Variants in CA5A observed in about 807,000 individuals in gnomAD.
The protein encoded by CA5A is carbonic anhydrase 5A, mitochondrial.
In CA5A, 28 loss-of-function variants were observed where a neutral mutation model predicts 37.1. The observed-to-expected ratio is 0.75, with a 90% CI of 0.56 to 1.03. The LOEUF is 1.03. Ranked by LOEUF, CA5A falls within the 50% of genes least tolerant of loss-of-function variation. The probability of loss-of-function intolerance (pLI) is 0.00; values close to 1 mark genes in which losing one functional copy is unlikely to be tolerated. For synonymous variants in CA5A, 171 were observed against 158.4 expected (o/e 1.08, Z -0.60); for missense variants, 444 against 399.9 (o/e 1.11, Z -0.94).
rs182213407 is a variant in CA5A at position 87,900,558 on chromosome 16, T to G, written c.618+1354A>C. Reference sequence around the variant, plus strand: ...CTCCTTCTGCCCTGGAATTCTTTTGTATGCTGCTGAATAAATAAACTACAT... The same window carrying G: ...CTCCTTCTGCCCTGGAATTCTTTTGGATGCTGCTGAATAAATAAACTACAT... On this transcript the variant is annotated intron_variant, in intron 5 of 6. Coordinates refer to ENST00000649794, the MANE Select transcript of CA5A (RefSeq NM_001739.2). Among the ~76,000 whole-genome samples, 348 of 152,370 alleles carry G rather than the reference T, an allele frequency of 2.3e-3. 2 individuals carry two copies. The highest frequency in any genetic ancestry group is 3.0e-3 in the Admixed American group (46 of 15,310).
chr16:87,926,367 C>A (rs574485275), intron 2 of CA5A, among the ~76,000 whole-genome samples: 3 of 152,322 alleles, frequency 2.0e-5, no homozygotes, highest in African/African-American at 7.2e-5. Flanking sequence ...TCAAGGCCAG[C>A]GTGGGCGTCC....
intron 2 of CA5A, among the ~76,000 whole-genome samples, chr16:87,913,106 G>A (rs948301777): frequency 6.6e-6 from 1 of 151,112 alleles, no homozygotes; most frequent in African/African-American, 2.4e-5. Context: ...TCAGCCTCCT[G>A]TAGCTGGGAT....
At chr16:87,930,850 C>G (rs930682449) in intron 1 of CA5A, among the ~76,000 whole-genome samples, 1 of 151,830 alleles carries the variant, frequency 6.6e-6, no homozygotes, top group African/African-American at 2.4e-5. Flanking sequence ...AGGCGATTCT[C>G]CTGCCTCAGC....
At chr16:87,916,004 G>A (rs112345255) in intron 2 of CA5A, among the ~76,000 whole-genome samples, 2 of 151,866 alleles carry the variant, frequency 1.3e-5, no homozygotes, top group Non-Finnish European at 2.9e-5. Flanking sequence ...GCGAAAGGCA[G>A]GTCTTGCATG....
intron 1 of CA5A, among the ~76,000 whole-genome samples, chr16:87,931,063 A>G (rs1423922510): frequency 6.6e-6 from 1 of 151,126 alleles, no homozygotes; most frequent in African/African-American, 2.4e-5. Flanking sequence ...GAAGATAGAA[A>G]TACAGATGTT....
At chr16:87,893,982 C>T (rs2055764514) in intron 5 of CA5A, among the ~76,000 whole-genome samples, 1 of 151,996 alleles carries the variant, frequency 6.6e-6, no homozygotes. Flanking sequence ...TGTTCTCCAA[C>T]TCCTGGGCTC....
intron 3 of CA5A, 139 bp from the exon 4 acceptor site, chr16:87,902,659 C>A: frequency 1.6e-6 from 1 of 611,084 alleles, no homozygotes; most frequent in Non-Finnish European, 3.1e-6. Context: ...GTAATCCCAG[C>A]ACTTTGGGAG....
intron 6 of CA5A, among the ~76,000 whole-genome samples, chr16:87,890,774 C>A (rs953285431): frequency 6.6e-6 from 1 of 151,986 alleles, no homozygotes; most frequent in East Asian, 1.9e-4. Flanking sequence ...CGCCACCATG[C>A]CTGGCTAATT....
intron 1 of CA5A, among the ~76,000 whole-genome samples, chr16:87,931,971 T>C (rs2056412587): frequency 7.3e-6 from 1 of 137,048 alleles, no homozygotes; most frequent in Non-Finnish European, 1.6e-5. Context: ...CTGGGCGTGG[T>C]CGTGCCTGCC....
intron 2 of CA5A, among the ~76,000 whole-genome samples, chr16:87,912,341 C>T (rs2056063329): frequency 1.3e-5 from 2 of 152,122 alleles, no homozygotes; most frequent in Admixed American, 1.3e-4. Flanking sequence ...AAATTGCTAT[C>T]CTCACTGCCA....
chr16:87,903,646 G>A (rs1199107782), intron 3 of CA5A, among the ~76,000 whole-genome samples: 2 of 152,120 alleles, frequency 1.3e-5, no homozygotes, highest in African/African-American at 4.8e-5. Flanking sequence ...GTCACCTCTG[G>A]GTGTGAGATT....
At chr16:87,895,318 GAT>G in intron 5 of CA5A, among the ~76,000 whole-genome samples, 2 of 152,206 alleles carry the variant, frequency 1.3e-5, no homozygotes, top group African/African-American at 4.8e-5. Context: ...GGCCGAGGCG[GAT>G]GGATCACCTG....
chr16:87,882,423 C>G (rs1365065160), intron 4 of CA5A: 2 of 152,238 alleles, frequency 1.3e-5, no homozygotes, highest in Non-Finnish European at 2.9e-5. Flanking sequence ...TCAGCGACAA[C>G]TTTCTTAACT....
intron 5 of CA5A, among the ~76,000 whole-genome samples, chr16:87,892,777 G>C (rs1241529938): frequency 6.7e-6 from 1 of 149,590 alleles, no homozygotes; most frequent in African/African-American, 2.5e-5. Context: ...AGGTTCAAGC[G>C]ATTCTCCTGC....
At chr16:87,921,943 CT>C (rs1287393590) in intron 2 of CA5A, among the ~76,000 whole-genome samples, 1 of 152,012 alleles carries the variant, frequency 6.6e-6, no homozygotes, top group African/African-American at 2.4e-5. Context: ...TCCCAGGTAA[CT>C]GCAGCCTCAA....
At chr16:87,889,023 G>A (rs1201422191) in intron 6 of CA5A, among the ~76,000 whole-genome samples, 2 of 151,936 alleles carry the variant, frequency 1.3e-5, no homozygotes, top group South Asian at 2.1e-4. Flanking sequence ...GGGTTCAAGG[G>A]ATTCTCCTGC....
intron 1 of CA5A, among the ~76,000 whole-genome samples, chr16:87,930,864 C>T (rs1255797982): frequency 6.6e-6 from 1 of 151,972 alleles, no homozygotes; most frequent in African/African-American, 2.4e-5. Flanking sequence ...CCTCAGCCTC[C>T]CAAGTAGCTG....
intron 2 of CA5A, among the ~76,000 whole-genome samples, chr16:87,923,047 C>T (rs189231569): frequency 7.9e-5 from 12 of 152,362 alleles, no homozygotes; most frequent in African/African-American, 2.2e-4. Flanking sequence ...GCAGTCGGAA[C>T]GGAAGCCGGC....
chr16:87,914,229 C>T (rs745536472), intron 2 of CA5A, among the ~76,000 whole-genome samples: 6 of 152,298 alleles, frequency 3.9e-5, no homozygotes, highest in Admixed American at 6.5e-5. Context: ...CGAGCAGTGG[C>T]GAGAGGAAGT....
Sources: allele counts gnomAD v4.1 joint callset (sites outside exome capture counted in the v4.1 genomes callset), GRCh38; gene constraint gnomAD v4.1.1; transcripts MANE v1.5; gene names NCBI Gene and HGNC (gene_info 2026-07-23, HGNC 2026-07-21).